Variants in ATP8A2 observed in about 807,000 individuals in gnomAD.
ATP8A2 encodes the protein phospholipid-transporting ATPase IB.
Under a neutral mutation model 165.6 loss-of-function variants are expected in ATP8A2, and 100 were observed. The observed-to-expected ratio is 0.60, with a 90% CI of 0.51 to 0.71. ATP8A2 has a LOEUF of 0.71. Ranked by LOEUF, ATP8A2 falls within the 30% of genes least tolerant of loss-of-function variation. The pLI is 0.00. For synonymous variants in ATP8A2, 543 were observed against 548.8 expected (o/e 0.99, Z 0.15); for missense variants, 1,227 against 1,479.5 (o/e 0.83, Z 2.80).
intron 33 of ATP8A2, among the ~76,000 whole-genome samples, chr13:25,872,452 T>A (rs1214022196): frequency 6.6e-6 from 1 of 152,174 alleles, no homozygotes; most frequent in Non-Finnish European, 1.5e-5. Flanking sequence ...CTGTTAGATA[T>A]TGTCGTTCTA....
At chr13:25,481,153 A>AGGGAGAGGGAGACCGGG (rs2036183591) in intron 2 of ATP8A2, among the ~76,000 whole-genome samples, 1 of 126,380 alleles carries the variant, frequency 7.9e-6, no homozygotes, top group Non-Finnish European at 1.7e-5. Flanking sequence ...GTGGAAAGAG[A>AGGGAGAGGGAGACCGGG]GGGAGAGGGA....
intron 27 of ATP8A2, among the ~76,000 whole-genome samples, chr13:25,811,697 C>G (rs1382940510): frequency 6.6e-6 from 1 of 152,082 alleles, no homozygotes; most frequent in African/African-American, 2.4e-5. Context: ...CAAAACAAAA[C>G]AAAACACACA....
chr13:25,558,213 TA>T (rs1351295914), intron 13 of ATP8A2, among the ~76,000 whole-genome samples: 1 of 152,172 alleles, frequency 6.6e-6, no homozygotes, highest in Non-Finnish European at 1.5e-5. Context: ...TTAGTTTTTT[TA>T]TATGATATTT....
chr13:25,908,657 C>T (rs775473189), intron 33 of ATP8A2, among the ~76,000 whole-genome samples: 32 of 152,178 alleles, frequency 2.1e-4, no homozygotes, highest in Non-Finnish European at 2.9e-4. Context: ...CTCAAGGGGG[C>T]TGAGCCAAAG....
chr13:25,694,325 A>G (rs1286265743), intron 24 of ATP8A2, among the ~76,000 whole-genome samples: 1 of 152,082 alleles, frequency 6.6e-6, no homozygotes, highest in Non-Finnish European at 1.5e-5. Context: ...TCCAGTGGGG[A>G]GGCCCATGGG....
At chr13:25,918,804 T>A (rs1211954561) in intron 33 of ATP8A2, among the ~76,000 whole-genome samples, 1 of 152,216 alleles carries the variant, frequency 6.6e-6, no homozygotes, top group African/African-American at 2.4e-5. Flanking sequence ...TGGACCCCAC[T>A]TGTAACATGA....
At chr13:25,929,626 A>T (rs1199310209) in intron 33 of ATP8A2, among the ~76,000 whole-genome samples, 1 of 152,126 alleles carries the variant, frequency 6.6e-6, no homozygotes, top group Non-Finnish European at 1.5e-5. Flanking sequence ...TGGGAGGCCG[A>T]GATGGGAGGA....
intron 2 of ATP8A2, among the ~76,000 whole-genome samples, chr13:25,488,628 T>TTTAAG (rs746016649): frequency 1.3e-5 from 2 of 152,030 alleles, no homozygotes; most frequent in Non-Finnish European, 2.9e-5. Context: ...TCCCAACTAC[T>TTTAAG]TGGGAGGTGG....
At chr13:25,609,924 A>C (rs1023687346) in intron 24 of ATP8A2, among the ~76,000 whole-genome samples, 3 of 151,580 alleles carry the variant, frequency 2.0e-5, no homozygotes, top group African/African-American at 7.3e-5. Context: ...TTCTTTTGAG[A>C]ATTGTCTATC....
chr13:25,919,985 G>T (rs554305511), intron 33 of ATP8A2, among the ~76,000 whole-genome samples: 1 of 151,894 alleles, frequency 6.6e-6, no homozygotes, highest in Admixed American at 6.6e-5. Flanking sequence ...CAGGGGTCTC[G>T]CTATGTCGTC....
rs1955424467 is a variant in ATP8A2, at chr13:25,953,370, G to A, written c.3184-8205G>A. 6.6e-6 allele frequency among the ~76,000 whole-genome samples: 1 copy of A among 151,940 alleles called. No homozygotes were observed. Among genetic ancestry groups the A allele is most frequent in the African/African-American group, 2.4e-5 (1 of 41,354 alleles). On this transcript the variant is annotated intron_variant, in intron 33 of 36. Transcript: ENST00000381655. This position sits in a 1 kb window ranked among gnomAD's most constrained non-coding sequence, Gnocchi z 6.7. ...GATTAAATAAAATGCTTTATGGGAA[G>A]TTCTGGCACAGAGTGACGCACGAAG...
At chr13:25,733,666 G>C (rs947370803) in intron 25 of ATP8A2, among the ~76,000 whole-genome samples, 1 of 152,100 alleles carries the variant, frequency 6.6e-6, no homozygotes. Flanking sequence ...TTCCAAAGCA[G>C]GTGGTATACA....
intron 35 of ATP8A2, among the ~76,000 whole-genome samples, chr13:26,003,867 G>A (rs1338896592): frequency 2.0e-5 from 3 of 151,864 alleles, no homozygotes; most frequent in South Asian, 2.1e-4. Flanking sequence ...AGCCTGTTCC[G>A]TTGGTCAATG....
intron 24 of ATP8A2, among the ~76,000 whole-genome samples, chr13:25,681,301 G>A (rs2042482961): frequency 6.6e-6 from 1 of 152,192 alleles, no homozygotes; most frequent in Non-Finnish European, 1.5e-5. Flanking sequence ...TTGTTAGCCT[G>A]GAGCTTCTCC....
At chr13:25,572,926 C>T (rs2039509504) in intron 18 of ATP8A2, among the ~76,000 whole-genome samples, 1 of 152,116 alleles carries the variant, frequency 6.6e-6, no homozygotes, top group East Asian at 1.9e-4. Context: ...TATAAAATAT[C>T]TTATCTTATA....
At chr13:25,401,188 C>T (rs1369527327) in intron 1 of ATP8A2, among the ~76,000 whole-genome samples, 1 of 152,038 alleles carries the variant, frequency 6.6e-6, no homozygotes, top group Non-Finnish European at 1.5e-5. Flanking sequence ...AATTTGAATA[C>T]ATTCTTTTCC....
At chr13:25,644,538 A>T (rs1249450098) in intron 24 of ATP8A2, among the ~76,000 whole-genome samples, 3 of 148,440 alleles carry the variant, frequency 2.0e-5, no homozygotes, top group East Asian at 2.0e-4. Flanking sequence ...TGTGATGTCC[A>T]TGTTTGGTTT....
chr13:25,543,600 G>A (rs1393817181), intron 10 of ATP8A2, among the ~76,000 whole-genome samples, 198 bp downstream of exon 10: 2 of 152,156 alleles, frequency 1.3e-5, no homozygotes, highest in African/African-American at 4.8e-5. Flanking sequence ...GTTACCGTAT[G>A]CCTGAACTAC....
chr13:25,790,176 A>G (rs2045130660), intron 27 of ATP8A2, among the ~76,000 whole-genome samples: 1 of 152,234 alleles, frequency 6.6e-6, no homozygotes, highest in Non-Finnish European at 1.5e-5. Flanking sequence ...TAAAGATTTC[A>G]TGATGAAGAT....
Sources: allele counts gnomAD v4.1 joint callset (sites outside exome capture counted in the v4.1 genomes callset), GRCh38; gene constraint gnomAD v4.1.1; non-coding constraint Gnocchi (gnomAD v3.1); transcripts MANE v1.5; gene names NCBI Gene and HGNC (gene_info 2026-07-23, HGNC 2026-07-21).